The following POLA1 variants were observed in gnomAD, a reference collection of about 807,000 sequenced individuals.
POLA1 encodes the protein DNA polymerase alpha catalytic subunit.
A neutral mutation model predicts 124.0 loss-of-function variants in POLA1; 15 were observed. The ratio of observed to expected loss-of-function variants is 0.12; its 90% CI spans 0.08 to 0.19. POLA1 has a LOEUF of 0.19. Ranked by LOEUF, POLA1 falls within the 10% of genes least tolerant of loss-of-function variation. The pLI, the probability that POLA1 is intolerant of heterozygous loss-of-function variation, is 1.00. For synonymous variants in POLA1, 408 were observed against 389.4 expected (o/e 1.05, Z -0.56); for missense variants, 886 against 1,103.4 (o/e 0.80, Z 2.79).
intron 32 of POLA1, among the ~76,000 whole-genome samples, chrX:24,839,642 A>G (rs190329797): frequency 3.0e-4 from 34 of 111,967 alleles, no homozygotes; most frequent in Admixed American, 2.5e-3. Context: ...AGCCTGGCCA[A>G]TTTTGTATAT....
chrX:24,810,067 A>G, intron 27 of POLA1, 137 bp downstream of exon 27: 1 of 424,875 alleles, frequency 2.4e-6, no homozygotes, highest in South Asian at 4.3e-5. Context: ...AATCCTTCCT[A>G]ATGGATTACA....
chrX:24,867,265 T>A (rs1245641176), intron 34 of POLA1, among the ~76,000 whole-genome samples: 1 of 111,449 alleles, frequency 9.0e-6, no homozygotes, highest in African/African-American at 3.3e-5. Context: ...GTAGGACATC[T>A]TCTGTTTTCT....
intron 35 of POLA1, among the ~76,000 whole-genome samples, chrX:24,914,091 A>G (rs1247746005): frequency 1.8e-5 from 2 of 110,257 alleles, no homozygotes; most frequent in African/African-American, 6.6e-5. Flanking sequence ...GCACACTAGC[A>G]TGTGCCTTTA....
chrX:24,964,113 A>G lies in POLA1; in HGVS notation c.4262-31692A>G, dbSNP rs761040010. On this transcript the variant is annotated intron_variant, in intron 36 of 36. Coordinates refer to ENST00000379068, the MANE Select transcript of POLA1 (RefSeq NM_001330360.2). Reference sequence around the variant, plus strand: ...GGGAATGCAAGCTCTACCCAAAGGCATTAAAATTCTTGAAAAATAGTTGAA... The same window carrying G: ...GGGAATGCAAGCTCTACCCAAAGGCGTTAAAATTCTTGAAAAATAGTTGAA... Among the ~76,000 whole-genome samples, 3 of 112,082 alleles carry G rather than the reference A, an allele frequency of 2.7e-5. No homozygotes were observed. The South Asian group carries it at 1.1e-3, about 42-fold the overall frequency.
chrX:24,759,657 TTTTTGCCTTGTAA>T (rs896341198), intron 26 of POLA1, among the ~76,000 whole-genome samples: 4 of 112,311 alleles, frequency 3.6e-5, no homozygotes, highest in African/African-American at 1.3e-4. Context: ...GGACAGAGTA[TTTTTGCCTTGTAA>T]TTTTGCCTTT....
intron 4 of POLA1, among the ~76,000 whole-genome samples, chrX:24,706,671 C>G (rs1378408128): frequency 2.7e-5 from 3 of 112,039 alleles, no homozygotes; most frequent in African/African-American, 9.7e-5. Flanking sequence ...AAATCAATAT[C>G]TGTACTAACA....
intron 23 of POLA1, chrX:24,744,630 C>A: frequency 3.1e-6 from 1 of 323,311 alleles, no homozygotes; most frequent in Non-Finnish European, 5.7e-6. Flanking sequence ...ATGTGCCGTC[C>A]ATTTTATTTT....
chrX:24,723,821 C>T (rs930340075), intron 11 of POLA1, among the ~76,000 whole-genome samples: 9 of 112,434 alleles, frequency 8.0e-5, no homozygotes, highest in African/African-American at 2.6e-4. Context: ...GCTGGGATTA[C>T]AGGCGCCTGC....
chrX:24,789,147 A>T (rs932740356), intron 26 of POLA1: 4 of 930,273 alleles, frequency 4.3e-6, no homozygotes, highest in Middle Eastern at 4.1e-4. Context: ...TAGTAGTGGA[A>T]GTCCTAGGCA....
chrX:24,883,701 T>G (rs1357127831), intron 34 of POLA1, among the ~76,000 whole-genome samples: 1 of 112,258 alleles, frequency 8.9e-6, no homozygotes, highest in Non-Finnish European at 1.9e-5. Context: ...AACTTTCTAT[T>G]TATAAATGTG....
chrX:24,878,380 ACT>A (rs1233943970), intron 34 of POLA1, among the ~76,000 whole-genome samples: 2 of 110,401 alleles, frequency 1.8e-5, no homozygotes, highest in Non-Finnish European at 3.8e-5. Flanking sequence ...GCAAAGAAAA[ACT>A]CTTCTGGTAA....
At position 24,909,033 on chromosome X, in the gene POLA1, A is replaced by G. The variant is rs141665099; in HGVS notation, c.4164+20911A>G. ...TGTCTTTTGTCTGCATAAATGTCTT[A>G]TTTTGAGAATTGTCTGTTCATATCC... is the stretch of plus-strand genomic sequence containing the variant. On this transcript the variant is annotated intron_variant, in intron 35 of 36. Transcript: ENST00000379068. Among the ~76,000 whole-genome samples, 69 of 111,773 alleles carry G rather than the reference A, an allele frequency of 6.2e-4. 1 individual carries two copies. In the East Asian group the frequency reaches 0.019, roughly 30 times the overall value.
At chrX:24,862,012 A>G (rs2046722767) in intron 34 of POLA1, among the ~76,000 whole-genome samples, 1 of 111,892 alleles carries the variant, frequency 8.9e-6, no homozygotes, top group Non-Finnish European at 1.9e-5. Context: ...TTTCTTCTAA[A>G]GTAGACAATC....
At chrX:24,808,837 A>G (rs1172713210) in intron 26 of POLA1, among the ~76,000 whole-genome samples, 1 of 112,054 alleles carries the variant, frequency 8.9e-6, no homozygotes, top group East Asian at 2.8e-4. Context: ...AAGGAGGACT[A>G]TTGAAGTAGG....
At chrX:24,988,978 A>G (rs2048506673) in intron 36 of POLA1, among the ~76,000 whole-genome samples, 1 of 111,690 alleles carries the variant, frequency 9.0e-6, no homozygotes, top group Non-Finnish European at 1.9e-5. Flanking sequence ...AAATAAATAA[A>G]TAGATTAGAA....
intron 34 of POLA1, among the ~76,000 whole-genome samples, chrX:24,885,820 G>A (rs1160076055): frequency 1.3e-4 from 15 of 112,144 alleles, no homozygotes; most frequent in African/African-American, 1.6e-4. Flanking sequence ...CACTGCGCCC[G>A]GCCAGTATCT....
intron 31 of POLA1, among the ~76,000 whole-genome samples, chrX:24,824,624 G>A (rs974589877): frequency 9.1e-6 from 1 of 109,960 alleles, no homozygotes; most frequent in African/African-American, 3.3e-5. Flanking sequence ...ATGTATCTTA[G>A]GTCATAGCCT....
chrX:24,807,098 T>C (rs937260458), intron 26 of POLA1, among the ~76,000 whole-genome samples: 1 of 112,095 alleles, frequency 8.9e-6, no homozygotes, highest in African/African-American at 3.2e-5. Context: ...TGTGAGTTGG[T>C]GGCAGGATGG....
chrX:24,833,898 A>T (rs1415123789), intron 32 of POLA1, among the ~76,000 whole-genome samples: 1 of 111,591 alleles, frequency 9.0e-6, no homozygotes, highest in Non-Finnish European at 1.9e-5. Flanking sequence ...CAGCCTGGGC[A>T]ACATAGCAAG....
Sources: allele counts gnomAD v4.1 joint callset (sites outside exome capture counted in the v4.1 genomes callset), GRCh38; gene constraint gnomAD v4.1.1; transcripts MANE v1.5; gene names NCBI Gene and HGNC (gene_info 2026-07-23, HGNC 2026-07-21).